CEP89: variants seen among roughly 807,000 people sequenced by gnomAD.
The protein encoded by CEP89 is centrosomal protein 89.
Under a neutral mutation model 97.6 loss-of-function variants are expected in CEP89, and 95 were observed. That is an observed-to-expected ratio of 0.97 (90% CI 0.82 to 1.15). CEP89 has a LOEUF of 1.15. CEP89 is among the 50% of genes most tolerant of loss of function. The pLI, the probability that CEP89 is intolerant of heterozygous loss-of-function variation, is 0.00. For missense variants in CEP89, 869 were observed against 947.7 expected, an observed-to-expected ratio of 0.92 and a Z score of 1.09; for synonymous variants, 354 against 349.1, an observed-to-expected ratio of 1.01 and a Z score of -0.16.
chr19:32,949,692 T>G (rs4805829), intron 4 of CEP89, among the ~76,000 whole-genome samples: 53,934 of 151,904 alleles, frequency 0.36, 9,794 homozygotes, highest in Admixed American at 0.48. Context: ...CCTGAACCAG[T>G]TGTTACATGG....
rs916278836 is a variant in CEP89 at position 32,877,682 on chromosome 19, C to A, written c.*1480G>T. ...GTGGCTCATACCTATAATCCCAACACTTTGGGAGGCCTAGGCAGGAGGATT... is the reference window on the plus strand; with the variant it reads ...GTGGCTCATACCTATAATCCCAACAATTTGGGAGGCCTAGGCAGGAGGATT... On this transcript the variant is annotated 3_prime_UTR_variant, in exon 19 of 19. Transcript: ENST00000305768. 2 of 152,094 alleles carry A rather than the reference C, an allele frequency of 1.3e-5. No homozygotes were observed. The highest frequency in any genetic ancestry group is 2.4e-5 in the African/African-American group (1 of 41,356). The allele number at this position is 152,094 out of a possible 1,614,324, so 9.4% of individuals were successfully genotyped here.
Position 32,948,333 on chromosome 19 carries a change from A to G in CEP89, c.528T>C (p.Asp176=), listed in dbSNP as rs1970840778. 2 of 1,611,752 alleles carry G rather than the reference A, an allele frequency of 1.2e-6. No individual in the cohort carries two copies. The highest frequency in any genetic ancestry group is 8.5e-7 in the Non-Finnish European group (1 of 1,178,830). Reference sequence around the variant, plus strand: ...ACCCATCTTGATGAGAAATATTTTCATCGTCTTCACTGTTCACCTCATGTA... The same window carrying G: ...ACCCATCTTGATGAGAAATATTTTCGTCGTCTTCACTGTTCACCTCATGTA... The part of the protein sequence containing the change: ...PLLHEVNSED[D]ENISHQDGFP... The change falls in exon 5 of 19, where the codon GAT becomes GAC. Residue 176 remains aspartate, a synonymous_variant. Transcript: ENST00000305768.
At chr19:32,958,833 A>G (rs924749001) in intron 3 of CEP89, among the ~76,000 whole-genome samples, 1 of 151,984 alleles carries the variant, frequency 6.6e-6, no homozygotes, top group African/African-American at 2.4e-5. Context: ...CCTGACCAAC[A>G]TGGAGAAACC....
intron 16 of CEP89, among the ~76,000 whole-genome samples, chr19:32,892,007 A>C (rs1452986384): frequency 6.6e-6 from 1 of 151,298 alleles, no homozygotes; most frequent in East Asian, 1.9e-4. Context: ...TTCGAAATCC[A>C]GATATAGGAA....
At chr19:32,945,082 C>T (rs1345679096) in intron 5 of CEP89, among the ~76,000 whole-genome samples, 1 of 152,116 alleles carries the variant, frequency 6.6e-6, no homozygotes, top group African/African-American at 2.4e-5. Context: ...ACAGACCCTT[C>T]GAGACCAGTC....
chr19:32,912,018 G>A (rs11084684), intron 14 of CEP89, among the ~76,000 whole-genome samples: 56,600 of 151,828 alleles, frequency 0.37, 10,873 homozygotes, highest in Non-Finnish European at 0.41. Context: ...CTTAAGGCCA[G>A]GAGTTCAGGA....
At chr19:32,922,340 G>A (rs10412219) in intron 12 of CEP89, among the ~76,000 whole-genome samples, 1 of 151,846 alleles carries the variant, frequency 6.6e-6, no homozygotes, top group Non-Finnish European at 1.5e-5. Flanking sequence ...CCAAGAGTTC[G>A]AGACCAGCTT....
rs1407279694 is a variant in CEP89 at position 32,937,659 on chromosome 19, T to G, written c.639A>C (p.Pro213=). ...GGGAGGGTGGAGGTTTCTCACATAA[T>G]GGAGGTTTTTCATCCTAGGAAAGAA... ...PVLNLKDEKP[P]LCEKPPPSPD... is the part of the protein sequence containing the mutation. The change falls in exon 7 of 19, where the codon CCA becomes CCC. Residue 213 remains proline (P), a synonymous_variant. Transcript: ENST00000305768. The G allele has an allele frequency of 6.2e-7, 1 of 1,606,716 alleles. No homozygotes were observed. Among genetic ancestry groups the G allele is most frequent in the Non-Finnish European group, 8.5e-7 (1 of 1,175,262 alleles).
At position 32,902,026 on chromosome 19, in the gene CEP89, G is replaced by C. The variant is rs1425462021; in HGVS notation, c.1566-614C>G. Among the ~76,000 whole-genome samples, 9 of 151,122 alleles carry C rather than the reference G, an allele frequency of 6.0e-5. 1 individual carries two copies. Among genetic ancestry groups the C allele is most frequent in the African/African-American group, 1.5e-4 (6 of 40,934 alleles). On this transcript the variant is annotated intron_variant, in intron 14 of 18. Transcript: ENST00000305768. ...TCTCTCTCTCTGTGTGTGTGTGTGT[G>C]TGTGTGTGTGTGTGTGTGTATGTGT...
chr19:32,919,925 C>T (rs188578429), intron 12 of CEP89, among the ~76,000 whole-genome samples: 17 of 152,168 alleles, frequency 1.1e-4, no homozygotes, highest in African/African-American at 3.9e-4. Flanking sequence ...GGATTACAGG[C>T]GTGAGCCACC....
intron 1 of CEP89, 192 bp downstream of exon 1, chr19:32,971,644 G>T (rs1215126199): frequency 1.6e-6 from 1 of 616,044 alleles, no homozygotes; most frequent in South Asian, 2.0e-5. Flanking sequence ...GCGACAGAGC[G>T]AGACCCTGTT....
At chr19:32,940,266 C>T (rs34576612) in intron 5 of CEP89, among the ~76,000 whole-genome samples, 5,872 of 113,924 alleles carry the variant, frequency 0.052, 918 homozygotes, top group East Asian at 0.14. Flanking sequence ...CTCCCCATCA[C>T]GCTCTATACA....
At position 32,876,223 on chromosome 19, in the gene CEP89, A is replaced by G. The variant is rs1351636007; in HGVS notation, c.*2939T>C. 1.3e-5 allele frequency: 2 copies of G among 152,270 alleles called. No homozygotes were observed. The highest frequency in any genetic ancestry group is 2.9e-5 in the Non-Finnish European group (2 of 68,342). The allele number at this position is 152,270 out of a possible 1,614,324, so 9.4% of individuals were successfully genotyped here. A position where few individuals can be genotyped will look rare whatever the true frequency, so the allele number is the denominator to read the frequency against. The stretch of plus-strand genomic sequence containing the variant: ...CCTCCCAGGCTCAAGTGATCCTCCC[A>G]CCTCAGCCTCCTGAGTAGCTGAAAC... On this transcript the variant is annotated 3_prime_UTR_variant, in exon 19 of 19. Transcript: ENST00000305768.
intron 11 of CEP89, among the ~76,000 whole-genome samples, chr19:32,923,974 GGTTA>G (rs934114587): frequency 1.3e-5 from 2 of 151,530 alleles, no homozygotes; most frequent in Admixed American, 6.6e-5. Context: ...GTGGGGAAGG[GGTTA>G]GTTAGTGTGG....
chr19:32,903,137 C>T (rs1451603425), intron 14 of CEP89, among the ~76,000 whole-genome samples: 2 of 151,390 alleles, frequency 1.3e-5, no homozygotes, highest in Non-Finnish European at 2.9e-5. Flanking sequence ...AGCCCAGGAC[C>T]TCAAAACCAG....
At chr19:32,932,938 G>A (rs1216171836) in intron 8 of CEP89, among the ~76,000 whole-genome samples, 1 of 152,062 alleles carries the variant, frequency 6.6e-6, no homozygotes, top group Non-Finnish European at 1.5e-5. Flanking sequence ...TGACAAGAGT[G>A]GGATGCTGTC....
chr19:32,934,949 C>T (rs1441166605), intron 7 of CEP89, among the ~76,000 whole-genome samples: 1 of 152,116 alleles, frequency 6.6e-6, no homozygotes, highest in Admixed American at 6.6e-5. Flanking sequence ...CCCATCTCTA[C>T]AAAAATCAAT....
chr19:32,891,621 C>T (rs748696762), intron 16 of CEP89, among the ~76,000 whole-genome samples: 11 of 151,702 alleles, frequency 7.3e-5, no homozygotes, highest in Non-Finnish European at 1.3e-4. Flanking sequence ...ATAAAGAAAT[C>T]AGAAAAACAA....
chr19:32,925,009 T>C (rs1048736919), intron 11 of CEP89, among the ~76,000 whole-genome samples: 2 of 152,174 alleles, frequency 1.3e-5, no homozygotes, highest in Non-Finnish European at 2.9e-5. Context: ...GATTCATTCA[T>C]GCTCTTAGAA....
Sources: gnomAD v4.1 joint callset for allele counts (sites outside exome capture counted in the v4.1 genomes callset) on GRCh38, gnomAD v4.1.1 for gene constraint, MANE v1.5 for transcripts, NCBI Gene and HGNC (gene_info 2026-07-23, HGNC 2026-07-21) for gene names.